PCDHA8: variants seen among roughly 807,000 people sequenced by gnomAD.
The protein encoded by PCDHA8 is protocadherin alpha-8.
Under a neutral mutation model 61.8 loss-of-function variants are expected in PCDHA8, and 53 were observed. The observed-to-expected ratio is 0.86, with a 90% CI of 0.69 to 1.08. The LOEUF (loss-of-function observed/expected upper bound fraction) is 1.08, where lower values mean the gene tolerates loss of function less well. PCDHA8 is among the 50% of genes least tolerant of loss of function. PCDHA8 has a pLI of 0.00. For missense variants in PCDHA8, 1,293 were observed against 1,245.0 expected (o/e 1.04, Z -0.58); for synonymous variants, 618 against 556.6 (o/e 1.11, Z -1.55).
intron 1 of PCDHA8, among the ~76,000 whole-genome samples, chr5:140,941,319 C>CTT (rs70988781): frequency 9.6e-6 from 1 of 104,394 alleles, no homozygotes; most frequent in African/African-American, 3.7e-5. Flanking sequence ...TCTTCTTTCT[C>CTT]TTTTTTTTTT....
intron 1 of PCDHA8, among the ~76,000 whole-genome samples, chr5:140,955,006 C>G (rs1304080416): frequency 6.6e-6 from 1 of 152,154 alleles, no homozygotes; most frequent in African/African-American, 2.4e-5. Flanking sequence ...AGCCAATTCT[C>G]CCAGCACCAT....
chr5:140,882,705 G>T, intron 1 of PCDHA8: 1 of 1,614,172 alleles, frequency 6.2e-7, no homozygotes, highest in South Asian at 1.1e-5. Flanking sequence ...GCAGAATCTA[G>T]ACCTCCGGAA....
chr5:140,967,503 G>C (rs369053625), intron 1 of PCDHA8: 1 of 1,612,938 alleles, frequency 6.2e-7, no homozygotes, highest in Non-Finnish European at 8.5e-7. Context: ...ATCTCTGTGC[G>C]TGTCCTGGAC....
chr5:140,970,193 G>C (rs1243334467), intron 1 of PCDHA8, among the ~76,000 whole-genome samples: 2 of 152,166 alleles, frequency 1.3e-5, no homozygotes, highest in African/African-American at 4.8e-5. Context: ...ATTGTAAGAG[G>C]ATTTCCCTGA....
At chr5:141,002,532 C>T (rs571310813) in intron 3 of PCDHA8, among the ~76,000 whole-genome samples, 26 of 152,270 alleles carry the variant, frequency 1.7e-4, no homozygotes, top group African/African-American at 6.0e-4. Flanking sequence ...AGTCAGACTC[C>T]CTAGATTTGA....
intron 1 of PCDHA8, chr5:140,863,340 G>T: frequency 7.4e-7 from 1 of 1,360,462 alleles, no homozygotes. Flanking sequence ...TCACGTTGCT[G>T]CTGTACACGA....
At chr5:140,880,582 A>G (rs2058391478) in intron 1 of PCDHA8, among the ~76,000 whole-genome samples, 1 of 152,230 alleles carries the variant, frequency 6.6e-6, no homozygotes, top group South Asian at 2.1e-4. Flanking sequence ...GAAGAGAGGA[A>G]AGAGAATATG....
At chr5:140,899,460 T>G (rs2153464035) in intron 1 of PCDHA8, among the ~76,000 whole-genome samples, 1 of 152,380 alleles carries the variant, frequency 6.6e-6, no homozygotes, top group East Asian at 1.9e-4. Context: ...ATGTGGTTTT[T>G]GTCTTTGGTT....
chr5:140,895,995 G>A (rs2065293379), intron 1 of PCDHA8, among the ~76,000 whole-genome samples: 1 of 152,058 alleles, frequency 6.6e-6, no homozygotes, highest in Non-Finnish European at 1.5e-5. Flanking sequence ...ATTTTAAGTA[G>A]AGACAGGGTT....
chr5:140,853,580 T>C, intron 1 of PCDHA8: 2 of 984,120 alleles, frequency 2.0e-6, no homozygotes, highest in Non-Finnish European at 2.4e-6. Flanking sequence ...TCACCCAATA[T>C]CTTAGACACT....
At chr5:140,893,011 T>C (rs1194599055) in intron 1 of PCDHA8, among the ~76,000 whole-genome samples, 1 of 152,234 alleles carries the variant, frequency 6.6e-6, no homozygotes, top group Non-Finnish European at 1.5e-5. Flanking sequence ...TATTTTTCTG[T>C]GCCTGACTTA....
intron 1 of PCDHA8, chr5:140,856,680 T>C: frequency 6.3e-7 from 1 of 1,596,810 alleles, no homozygotes. Context: ...AAGTTGTTGT[T>C]GACAGCAACT....
intron 3 of PCDHA8, among the ~76,000 whole-genome samples, chr5:141,007,932 A>T (rs150576416): frequency 3.9e-5 from 6 of 152,336 alleles, no homozygotes; most frequent in Non-Finnish European, 7.3e-5. Context: ...CTGGAATTCT[A>T]AGCCACCTTT....
intron 1 of PCDHA8, chr5:140,859,549 C>A (rs958434264): frequency 5.0e-5 from 9 of 181,676 alleles, no homozygotes; most frequent in Non-Finnish European, 9.0e-5. Context: ...CTAGTGTTAC[C>A]AAACACCAAT....
chr5:140,857,971 G>C (rs1554150955), intron 1 of PCDHA8: 3 of 1,596,810 alleles, frequency 1.9e-6, no homozygotes, highest in Non-Finnish European at 2.6e-6. Flanking sequence ...AGACTGACTC[G>C]CCACGCCAGC....
chr5:140,842,230 G>A lies in PCDHA8; in HGVS notation c.909G>A (p.Val303=). The change falls in exon 1 of 4, where the codon GTG becomes GTA. Residue 303 remains valine, a synonymous_variant. Transcript: ENST00000531613. ...TAGATCGAAATACGGGAGAAATAGTGATTCGGGGTAATTTGGATTTTGAAC... is the reference window on the plus strand; with the variant it reads ...TAGATCGAAATACGGGAGAAATAGTAATTCGGGGTAATTTGGATTTTGAAC... ...FSIDRNTGEI[V]IRGNLDFEQE... The A allele has an allele frequency of 6.2e-7, 1 of 1,612,910 alleles. No homozygotes were observed. Among genetic ancestry groups the A allele is most frequent in the Non-Finnish European group, 8.5e-7 (1 of 1,179,086 alleles).
chr5:140,857,681 G>A (rs2044790199), intron 1 of PCDHA8: 5 of 1,596,954 alleles, frequency 3.1e-6, no homozygotes, highest in East Asian at 4.5e-5. Context: ...GCCGCCTCTG[G>A]GCAGCAACTT....
At chr5:140,933,692 C>T (rs2089349269) in intron 1 of PCDHA8, among the ~76,000 whole-genome samples, 1 of 151,798 alleles carries the variant, frequency 6.6e-6, no homozygotes, top group African/African-American at 2.4e-5. Context: ...TTTCCTATTC[C>T]TCGGACACAT....
chr5:140,996,785 C>G (rs1423473534), intron 3 of PCDHA8, among the ~76,000 whole-genome samples: 2 of 152,148 alleles, frequency 1.3e-5, no homozygotes, highest in Admixed American at 6.5e-5. Context: ...TAGTGCCTCA[C>G]TCCCTACATC....
Sources: allele counts gnomAD v4.1 joint callset (sites outside exome capture counted in the v4.1 genomes callset), GRCh38; gene constraint gnomAD v4.1.1; transcripts MANE v1.5; gene names NCBI Gene and HGNC (gene_info 2026-07-23, HGNC 2026-07-21).